PPP6R2: variants seen among roughly 807,000 people sequenced by gnomAD.
PPP6R2 encodes protein phosphatase 6 regulatory subunit 2, also known as serine/threonine-protein phosphatase 6 regulatory subunit 2.
PPP6R2 carries 62 observed loss-of-function variants against 100.2 expected under a neutral mutation model. That is an observed-to-expected ratio of 0.62 (90% CI 0.50 to 0.76). The LOEUF (loss-of-function observed/expected upper bound fraction) is 0.76, where lower values mean the gene tolerates loss of function less well. PPP6R2 is among the 30% of genes least tolerant of loss of function. The pLI, the probability that PPP6R2 is intolerant of heterozygous loss-of-function variation, is 0.00. For missense variants in PPP6R2, 1,142 were observed against 1,276.3 expected (o/e 0.89, Z 1.60); for synonymous variants, 525 against 514.7 (o/e 1.02, Z -0.27).
chr22:50,339,793 GTGTGGGGTAT>G (rs1307249367), upstream of PPP6R2, among the ~76,000 whole-genome samples: 20 of 117,580 alleles, frequency 1.7e-4, no homozygotes, highest in African/African-American at 3.4e-4. Context: ...TGTGTGGTGT[GTGTGGGGTAT>G]GTGTGTGTGG....
At position 50,343,355 on chromosome 22, in the gene PPP6R2, G is replaced by C. The variant is rs1020618011; in HGVS notation, c.-343G>C. The C allele has an allele frequency of 4.6e-5, 7 of 150,834 alleles. No individual in the cohort carries two copies. The highest frequency in any genetic ancestry group is 4.6e-4 in the Admixed American group (7 of 15,142). The allele number at this position is 150,834 out of a possible 1,614,324, so 9.3% of individuals were successfully genotyped here. ...GCCATTTTGGAGCGATCGGAGTGCC[G>C]CCCGCGGCCCCGAGTCGGTCTCGAG... On this transcript the variant is annotated 5_prime_UTR_variant, in exon 1 of 24. Transcript: ENST00000612753.
intron 3 of PPP6R2, among the ~76,000 whole-genome samples, chr22:50,401,220 T>A (rs1349290447): frequency 6.6e-6 from 1 of 152,096 alleles, no homozygotes; most frequent in African/African-American, 2.4e-5. Context: ...ATTTTATTTT[T>A]TTTTTGAGAT....
intron 2 of PPP6R2, among the ~76,000 whole-genome samples, chr22:50,386,257 C>G (rs1332732288): frequency 6.6e-6 from 1 of 151,972 alleles, no homozygotes; most frequent in African/African-American, 2.4e-5. Flanking sequence ...ATTCTCCTGC[C>G]TCAGCCTCCA....
rs1460955943 is a variant in PPP6R2, at chr22:50,436,374, T to C, written c.1524T>C (p.Pro508=). ...GCAGCACTTCCCTTGCAGGGCTCCC[T>C]GCGGACTGCCGTGGCCGCTGGGAGA... ...THISEVIRGL[P]ADCRGRWESF... The change falls in exon 14 of 24, where the codon CCT becomes CCC. Residue 508 remains proline, a synonymous_variant. Coordinates refer to ENST00000612753, the MANE Select transcript of PPP6R2 (RefSeq NM_001242898.2). 3 of 1,575,696 alleles carry C rather than the reference T, an allele frequency of 1.9e-6. No individual in the cohort carries two copies. Among genetic ancestry groups the C allele is most frequent in the African/African-American group, 2.7e-5 (2 of 74,562 alleles).
chr22:50,360,132 A>C (rs538519483), intron 1 of PPP6R2, among the ~76,000 whole-genome samples: 35 of 151,594 alleles, frequency 2.3e-4, no homozygotes, highest in African/African-American at 7.7e-4. Flanking sequence ...GGCTCACTGC[A>C]ACCTCCATCT....
intron 1 of PPP6R2, among the ~76,000 whole-genome samples, chr22:50,356,531 C>T (rs1166563242): frequency 1.3e-5 from 2 of 152,008 alleles, no homozygotes; most frequent in African/African-American, 4.8e-5. Flanking sequence ...GGTGAAAATT[C>T]TTACATTAAT....
rs141375294 is a variant in PPP6R2, at chr22:50,423,528, G to T, written c.1039G>T (p.Ala347Ser). 1.1e-5 allele frequency: 18 copies of T among 1,614,070 alleles called. No homozygotes were observed. Among genetic ancestry groups the T allele is most frequent in the Non-Finnish European group, 1.5e-5 (18 of 1,180,046 alleles). ...EPLGNARLHG[A>S]RLMAALLHTN... is the part of the protein sequence containing the mutation. ...CCTGGGGAATGCCCGTCTGCATGGC[G>T]CCCGCCTCATGGCAGCACTGCTGCA... Residue 347 changes from alanine to serine, a missense_variant, in exon 10 of 24, where the codon GCC becomes TCC. Ala to Ser is a moderately conservative substitution (Grantham distance 99). Coordinates refer to ENST00000612753, the MANE Select transcript of PPP6R2 (RefSeq NM_001242898.2). The surrounding 1 kb of genome is among the most constrained non-coding windows in gnomAD (Gnocchi z 4.8).
intron 11 of PPP6R2, 135 bp from the exon 12 acceptor site, chr22:50,432,130 G>A (rs1288067765): frequency 2.4e-4 from 179 of 761,340 alleles, no homozygotes; most frequent in Non-Finnish European, 4.8e-5. Flanking sequence ...GGGGCTGTGC[G>A]TGCGCAGCAG....
chr22:50,414,783 G>A, intron 5 of PPP6R2, 94 bp downstream of exon 5: 1 of 1,396,098 alleles, frequency 7.2e-7, no homozygotes, highest in Non-Finnish European at 9.6e-7. Context: ...AGGGCGCCCG[G>A]CCCCCATCTC....
At chr22:50,378,115 T>C (rs987842751) in intron 2 of PPP6R2, among the ~76,000 whole-genome samples, 1 of 152,190 alleles carries the variant, frequency 6.6e-6, no homozygotes, top group Admixed American at 6.5e-5. Flanking sequence ...CAAAGAGTGT[T>C]CTTAAAATAA....
chr22:50,410,935 G>A (rs887670765), intron 4 of PPP6R2, among the ~76,000 whole-genome samples: 1 of 152,050 alleles, frequency 6.6e-6, no homozygotes, highest in Admixed American at 6.6e-5. Context: ...AGGATTACAG[G>A]TGCCTGCCCC....
At chr22:50,370,354 C>G (rs1432549376) in intron 1 of PPP6R2, among the ~76,000 whole-genome samples, 4 of 152,148 alleles carry the variant, frequency 2.6e-5, no homozygotes, top group Non-Finnish European at 5.9e-5. Context: ...ATGGCGCGAT[C>G]TCGGCTCACT....
At chr22:50,332,861 A>T in the PPP6R2 span, among the ~76,000 whole-genome samples, 1 of 152,176 alleles carries the variant, frequency 6.6e-6, no homozygotes, top group South Asian at 2.1e-4. Context: ...TGACGTCGTG[A>T]TCCACCCGCC....
intron 4 of PPP6R2, among the ~76,000 whole-genome samples, chr22:50,410,642 A>G (rs1006437636): frequency 5.9e-5 from 9 of 151,318 alleles, no homozygotes; most frequent in African/African-American, 1.7e-4. Context: ...TTCTGTCTCC[A>G]AAAAAAAGAA....
intron 7 of PPP6R2, 58 bp downstream of exon 7, chr22:50,419,037 C>T (rs1365173320): frequency 1.4e-5 from 19 of 1,367,510 alleles, no homozygotes; most frequent in South Asian, 2.3e-5. Flanking sequence ...ATGGGGACGT[C>T]TGTGAGCCTT....
intron 1 of PPP6R2, among the ~76,000 whole-genome samples, chr22:50,343,809 TC>T (rs1315682163): frequency 4.5e-4 from 5 of 11,084 alleles, no homozygotes; most frequent in African/African-American, 3.8e-4. Flanking sequence ...TCCAGTCAGT[TC>T]CCCCCCAGTC....
chr22:50,400,124 C>T (rs556923848), intron 3 of PPP6R2, among the ~76,000 whole-genome samples: 18 of 152,288 alleles, frequency 1.2e-4, no homozygotes, highest in African/African-American at 4.3e-4. Context: ...TCACAGCGGG[C>T]CCCCAGGAAG....
intron 1 of PPP6R2, among the ~76,000 whole-genome samples, chr22:50,361,954 C>T (rs576805267): frequency 6.6e-6 from 1 of 152,238 alleles, no homozygotes; most frequent in African/African-American, 2.4e-5. Context: ...GGAGTCAACA[C>T]TTTTACCTGC....
chr22:50,444,182 C>G lies in PPP6R2; in HGVS notation c.2832-17C>G, dbSNP rs1227793850. 13 of 1,612,632 alleles carry G rather than the reference C, an allele frequency of 8.1e-6. No individual in the cohort carries two copies. Among genetic ancestry groups the G allele is most frequent in the African/African-American group, 1.3e-5 (1 of 74,892 alleles). On this transcript the variant is annotated splice_polypyrimidine_tract_variant and intron_variant, in intron 23 of 23. Transcript: ENST00000612753. ...GCCCGCAGCCCGCACGGTTCCAACC[C>G]CACCCCATTCCTGCAGGAAGACAGA...
Sources: allele counts gnomAD v4.1 joint callset (sites outside exome capture counted in the v4.1 genomes callset), GRCh38; gene constraint gnomAD v4.1.1; non-coding constraint Gnocchi (gnomAD v3.1); transcripts MANE v1.5; gene names NCBI Gene and HGNC (gene_info 2026-07-23, HGNC 2026-07-21).